The following CSMD3 variants were observed in gnomAD, a reference collection of about 807,000 sequenced individuals.
The protein encoded by CSMD3 is CUB and sushi domain-containing protein 3.
Under a neutral mutation model 435.2 loss-of-function variants are expected in CSMD3, and 177 were observed. The observed-to-expected ratio is 0.41, with a 90% CI of 0.36 to 0.46. The LOEUF (loss-of-function observed/expected upper bound fraction) is 0.46, where lower values mean the gene tolerates loss of function less well. Among genes scored for constraint, CSMD3 ranks in the 20% least tolerant of loss-of-function variants. The pLI, the probability that CSMD3 is intolerant of heterozygous loss-of-function variation, is 0.34. For synonymous variants in CSMD3, 1,656 were observed against 1,520.5 expected (o/e 1.09, Z -2.07); for missense variants, 4,265 against 4,504.6 (o/e 0.95, Z 1.52).
At chr8:112,316,885 A>C (rs1299325435) in intron 47 of CSMD3, among the ~76,000 whole-genome samples, 2 of 152,098 alleles carry the variant, frequency 1.3e-5, no homozygotes, top group Admixed American at 6.6e-5. Context: ...CTAGAGAAGA[A>C]GAGAGAAGAA....
chr8:113,026,134 T>A (rs1481272174), intron 5 of CSMD3, among the ~76,000 whole-genome samples: 1 of 152,168 alleles, frequency 6.6e-6, no homozygotes, highest in Non-Finnish European at 1.5e-5. Flanking sequence ...TCAGAGGCAG[T>A]GAGGACTGTG....
At chr8:113,344,284 T>C (rs2094138341) in intron 1 of CSMD3, among the ~76,000 whole-genome samples, 1 of 152,166 alleles carries the variant, frequency 6.6e-6, no homozygotes, top group Non-Finnish European at 1.5e-5. Flanking sequence ...ATTTTTCTAG[T>C]AATTGTGGGG....
chr8:112,429,434 G>GATAT, intron 32 of CSMD3, among the ~76,000 whole-genome samples: 1 of 151,534 alleles, frequency 6.6e-6, no homozygotes, highest in East Asian at 1.9e-4. Context: ...AAGCAAAAAA[G>GATAT]ATATATATAT....
chr8:112,231,338 A>T (rs1008471260), intron 69 of CSMD3, among the ~76,000 whole-genome samples: 1 of 152,236 alleles, frequency 6.6e-6, no homozygotes, highest in Non-Finnish European at 1.5e-5. Context: ...ATGAAAATCT[A>T]AACACTGTAC....
chr8:113,200,575 A>G (rs2092706381), intron 3 of CSMD3, among the ~76,000 whole-genome samples: 1 of 151,644 alleles, frequency 6.6e-6, no homozygotes, highest in African/African-American at 2.4e-5. Flanking sequence ...AAACAAAGCA[A>G]ATCTATTTCT....
intron 1 of CSMD3, among the ~76,000 whole-genome samples, chr8:113,401,385 G>A (rs1422521740): frequency 4.0e-5 from 6 of 151,566 alleles, no homozygotes; most frequent in African/African-American, 1.4e-4. Context: ...CTTTTAAAAT[G>A]TGTTGGTTTT....
chr8:113,019,428 G>A (rs1183661408), intron 5 of CSMD3, among the ~76,000 whole-genome samples: 1 of 151,600 alleles, frequency 6.6e-6, no homozygotes, highest in African/African-American at 2.4e-5. Context: ...AAGTGCACAT[G>A]ATTTTTGATT....
intron 10 of CSMD3, among the ~76,000 whole-genome samples, chr8:112,915,292 T>C (rs998448700): frequency 1.9e-4 from 29 of 151,910 alleles, no homozygotes; most frequent in African/African-American, 6.0e-4. Context: ...AATATGGTTA[T>C]TGCAGTCTTT....
At position 112,826,758 on chromosome 8, in the gene CSMD3, G is replaced by C. The variant is rs1445141201; in HGVS notation, c.1859+2928C>G. 2.0e-5 allele frequency among the ~76,000 whole-genome samples: 3 copies of C among 152,232 alleles called. No individual in the cohort carries two copies. In the East Asian group the frequency reaches 5.8e-4, roughly 30 times the overall value. The stretch of plus-strand genomic sequence containing the variant: ...CAGCCTCCGATCTCTGCTGCTTCTA[G>C]TTGGCCATACTGGCCCTGCCCCAAA... On this transcript the variant is annotated intron_variant, in intron 12 of 70. Transcript: ENST00000297405.
intron 9 of CSMD3, among the ~76,000 whole-genome samples, chr8:112,945,847 G>A (rs1205103842): frequency 6.6e-6 from 1 of 151,434 alleles, no homozygotes; most frequent in African/African-American, 2.4e-5. Context: ...AGGTAATCAA[G>A]CACTTTCTTT....
At chr8:113,409,136 TG>T (rs1277185129) in intron 1 of CSMD3, among the ~76,000 whole-genome samples, 94 of 140,412 alleles carry the variant, frequency 6.7e-4, no homozygotes, top group Non-Finnish European at 1.1e-3. Context: ...CAGCCTGGAG[TG>T]CAGTGGTGGG....
intron 5 of CSMD3, among the ~76,000 whole-genome samples, chr8:113,093,919 C>T (rs1247223654): frequency 1.3e-5 from 2 of 152,018 alleles, no homozygotes; most frequent in Non-Finnish European, 2.9e-5. Flanking sequence ...TCTTGATAAC[C>T]ATATTGTTCC....
intron 4 of CSMD3, among the ~76,000 whole-genome samples, chr8:113,171,574 T>A (rs1454311167): frequency 6.6e-6 from 1 of 152,122 alleles, no homozygotes; most frequent in Non-Finnish European, 1.5e-5. Flanking sequence ...TTCTGCTGAT[T>A]TCCATATAAT....
chr8:113,217,333 A>T (rs1030841299), intron 3 of CSMD3, among the ~76,000 whole-genome samples: 2 of 151,738 alleles, frequency 1.3e-5, no homozygotes, highest in African/African-American at 4.8e-5. Context: ...ACATACAAAG[A>T]AGCAGAAAAA....
At chr8:112,732,657 GC>G (rs1174650001) in intron 13 of CSMD3, among the ~76,000 whole-genome samples, 1 of 139,300 alleles carries the variant, frequency 7.2e-6, no homozygotes, top group African/African-American at 2.8e-5. Context: ...CCAAGATCAT[GC>G]CACTCCACTC....
At chr8:112,327,973 T>C (rs1823668975) in intron 45 of CSMD3, among the ~76,000 whole-genome samples, 1 of 152,246 alleles carries the variant, frequency 6.6e-6, no homozygotes, top group Non-Finnish European at 1.5e-5. Flanking sequence ...ATTAAAGCCT[T>C]CTTCAAAAAA....
intron 5 of CSMD3, among the ~76,000 whole-genome samples, chr8:113,058,742 C>A (rs1386490775): frequency 2.0e-5 from 3 of 151,862 alleles, no homozygotes; most frequent in South Asian, 4.1e-4. Context: ...GCTTCCCTAG[C>A]GATACCTGTA....
chr8:113,406,958 C>T (rs1554631739), intron 1 of CSMD3, among the ~76,000 whole-genome samples: 1 of 152,026 alleles, frequency 6.6e-6, no homozygotes, highest in Non-Finnish European at 1.5e-5. Flanking sequence ...ACACAATACT[C>T]TTCTTGGTTG....
chr8:113,269,384 C>T (rs940875851), intron 3 of CSMD3, among the ~76,000 whole-genome samples: 1 of 152,076 alleles, frequency 6.6e-6, no homozygotes, highest in Non-Finnish European at 1.5e-5. Context: ...GCCATACTGC[C>T]CAAGGTAATT....
Sources: gnomAD v4.1 joint callset for allele counts (sites outside exome capture counted in the v4.1 genomes callset) on GRCh38, gnomAD v4.1.1 for gene constraint, MANE v1.5 for transcripts, NCBI Gene and HGNC (gene_info 2026-07-23, HGNC 2026-07-21) for gene names.